Variants in SARNP observed in about 807,000 individuals in gnomAD.
SARNP encodes the protein SAP domain-containing ribonucleoprotein.
SARNP carries 5 observed loss-of-function variants against 38.1 expected under a neutral mutation model. The observed-to-expected ratio is 0.13, with a 90% CI of 0.07 to 0.28. SARNP has a LOEUF of 0.28. Among genes scored for constraint, SARNP ranks in the 10% least tolerant of loss-of-function variants. The pLI is 1.00. For synonymous variants in SARNP, 84 were observed against 80.6 expected (o/e 1.04, Z -0.23); for missense variants, 180 against 243.9 (o/e 0.74, Z 1.75).
At position 55,806,058 on chromosome 12, in the gene SARNP, T is replaced by A. The variant is rs1339690682; in HGVS notation, c.37-2330A>T. On this transcript the variant is annotated intron_variant, in intron 1 of 10. Coordinates refer to ENST00000336133, the MANE Select transcript of SARNP (RefSeq NM_033082.4). ...GTCTCAAAAAAAAAAAAAATTATTT[T>A]TAAGGCTTTTGCCAGTTTTAAAAAA... Among the ~76,000 whole-genome samples, 11 of 151,538 alleles carry A rather than the reference T, an allele frequency of 7.3e-5. 1 individual carries two copies. Among genetic ancestry groups the A allele is most frequent in the Admixed American group, 5.9e-4 (9 of 15,194 alleles).
At chr12:55,764,081 C>T (rs557167218) in intron 9 of SARNP, among the ~76,000 whole-genome samples, 2 of 152,282 alleles carry the variant, frequency 1.3e-5, no homozygotes, top group African/African-American at 4.8e-5. Flanking sequence ...AATACTAGGA[C>T]CCCTTCTTCT....
intron 1 of SARNP, among the ~76,000 whole-genome samples, chr12:55,813,326 AG>A (rs1271933214): frequency 6.6e-6 from 1 of 152,184 alleles, no homozygotes; most frequent in Non-Finnish European, 1.5e-5. Flanking sequence ...GATAGAACAT[AG>A]AAAGCTTCCT....
At chr12:55,753,451 ATTGCCTGACTC>A (rs1425238486), downstream of SARNP, 1 of 152,138 alleles carries the variant, frequency 6.6e-6, no homozygotes, top group East Asian at 1.9e-4. Flanking sequence ...GCAAAAGAAT[ATTGCCTGACTC>A]ACATTTTTCA....
At chr12:55,755,326 G>A (rs745551830), downstream of SARNP, 3 of 151,958 alleles carry the variant, frequency 2.0e-5, no homozygotes, top group Non-Finnish European at 4.4e-5. Context: ...GAGGTGGGGT[G>A]GGGGGCTGGG....
intron 1 of SARNP, among the ~76,000 whole-genome samples, chr12:55,809,570 C>G (rs1480400161): frequency 6.6e-6 from 1 of 151,558 alleles, no homozygotes; most frequent in Non-Finnish European, 1.5e-5. Flanking sequence ...GCCTGGGCAA[C>G]ACAGTGAGAC....
At chr12:55,768,179 G>C (rs558647509) in intron 9 of SARNP, among the ~76,000 whole-genome samples, 2 of 152,178 alleles carry the variant, frequency 1.3e-5, no homozygotes, top group South Asian at 2.1e-4. Context: ...AGGCTGGAGC[G>C]CAAAGGCGTG....
At chr12:55,813,680 G>A (rs529717100) in intron 1 of SARNP, among the ~76,000 whole-genome samples, 39 of 152,198 alleles carry the variant, frequency 2.6e-4, no homozygotes, top group African/African-American at 8.9e-4. Flanking sequence ...GAGTAGCTGG[G>A]ATTACAGGCA....
At chr12:55,780,510 A>G (rs907470532) in intron 9 of SARNP, among the ~76,000 whole-genome samples, 19 of 151,898 alleles carry the variant, frequency 1.3e-4, no homozygotes, top group Non-Finnish European at 2.2e-4. Flanking sequence ...AGAAAAGAAA[A>G]GAAAGAAAGA....
intron 9 of SARNP, among the ~76,000 whole-genome samples, chr12:55,769,382 T>A (rs1216872047): frequency 6.6e-6 from 1 of 152,248 alleles, no homozygotes; most frequent in Non-Finnish European, 1.5e-5. Context: ...ACGAGGCTTA[T>A]GAATTCACCA....
Position 55,800,836 on chromosome 12 carries a change from T to C in SARNP, c.183+18A>G. ...AGTGGCACATTACCAGAGACTAACC[T>C]TACTCTATCCAACTCACCTCTGTTT... On this transcript the variant is annotated intron_variant, in intron 3 of 10. Coordinates refer to ENST00000336133, the MANE Select transcript of SARNP (RefSeq NM_033082.4). The C allele has an allele frequency of 6.2e-7, 1 of 1,606,130 alleles. No individual in the cohort carries two copies. Among genetic ancestry groups the C allele is most frequent in the Non-Finnish European group, 8.5e-7 (1 of 1,172,674 alleles).
chr12:55,776,249 G>T (rs1352529696), intron 9 of SARNP, among the ~76,000 whole-genome samples: 1 of 152,026 alleles, frequency 6.6e-6, no homozygotes, highest in Admixed American at 6.6e-5. Flanking sequence ...TACCAGCCTG[G>T]GCAAAATAGG....
At chr12:55,764,409 T>TA (rs1878763882) in intron 9 of SARNP, among the ~76,000 whole-genome samples, 2 of 151,654 alleles carry the variant, frequency 1.3e-5, no homozygotes, top group African/African-American at 4.9e-5. Context: ...CGCATGCCTG[T>TA]AATCCCAGCT....
chr12:55,785,849 C>A (rs116212238), intron 9 of SARNP, among the ~76,000 whole-genome samples: 2,112 of 152,010 alleles, frequency 0.014, 45 homozygotes, highest in African/African-American at 0.049. Flanking sequence ...TCATGGCTCA[C>A]TGCAGCCTCA....
chr12:55,803,343 G>A (rs1350728339), intron 2 of SARNP, among the ~76,000 whole-genome samples: 1 of 151,930 alleles, frequency 6.6e-6, no homozygotes, highest in Admixed American at 6.6e-5. Context: ...AATCAGCCAG[G>A]CATGGTGGTG....
chr12:55,801,271 T>C (rs1468628806), intron 2 of SARNP, among the ~76,000 whole-genome samples: 1 of 152,028 alleles, frequency 6.6e-6, no homozygotes, highest in Non-Finnish European at 1.5e-5. Context: ...CGAAACCCCG[T>C]CTTTACAAAA....
At chr12:55,809,459 A>C (rs956439252) in intron 1 of SARNP, among the ~76,000 whole-genome samples, 2 of 151,032 alleles carry the variant, frequency 1.3e-5, no homozygotes, top group Non-Finnish European at 3.0e-5. Context: ...GAAAATAAAC[A>C]AAAAAAACCA....
At chr12:55,755,037 T>C (rs1023306775), downstream of SARNP, 3 of 152,136 alleles carry the variant, frequency 2.0e-5, no homozygotes, top group African/African-American at 7.2e-5. Context: ...TAAATCCCTT[T>C]GGAAGGGAAA....
At chr12:55,811,556 C>T (rs896129638) in intron 1 of SARNP, among the ~76,000 whole-genome samples, 1 of 151,212 alleles carries the variant, frequency 6.6e-6, no homozygotes, top group African/African-American at 2.5e-5. Flanking sequence ...GGAGAAAAAG[C>T]GAGACACTGT....
At chr12:55,803,039 T>C (rs372826652) in intron 2 of SARNP, among the ~76,000 whole-genome samples, 19 of 151,684 alleles carry the variant, frequency 1.3e-4, no homozygotes, top group African/African-American at 4.6e-4. Context: ...CAACACTACA[T>C]AGTTTACCAG....
Sources: allele counts gnomAD v4.1 joint callset (sites outside exome capture counted in the v4.1 genomes callset), GRCh38; gene constraint gnomAD v4.1.1; transcripts MANE v1.5; gene names NCBI Gene and HGNC (gene_info 2026-07-23, HGNC 2026-07-21).